The following USP9X variants were observed in gnomAD, a reference collection of about 807,000 sequenced individuals.
USP9X encodes ubiquitin carboxyl-terminal hydrolase 9X.
A neutral mutation model predicts 190.3 loss-of-function variants in USP9X; 7 were observed. The ratio of observed to expected loss-of-function variants is 0.04; its 90% CI spans 0.02 to 0.07. The LOEUF is 0.07. USP9X is among the 10% of genes least tolerant of loss of function. USP9X has a pLI of 1.00. For missense variants in USP9X, 1,010 were observed against 1,916.9 expected, an observed-to-expected ratio of 0.53 and a Z score of 8.83; for synonymous variants, 645 against 659.5, an observed-to-expected ratio of 0.98 and a Z score of 0.34.
intron 21 of USP9X, among the ~76,000 whole-genome samples, chrX:41,173,581 AT>A (rs1178370683): frequency 8.9e-6 from 1 of 111,858 alleles, no homozygotes; most frequent in Non-Finnish European, 1.9e-5. Context: ...TATAAGCAAA[AT>A]TAAGCCATCT....
intron 1 of USP9X, among the ~76,000 whole-genome samples, chrX:41,089,918 T>A (rs1239778819): frequency 1.2e-5 from 1 of 81,462 alleles, no homozygotes; most frequent in African/African-American, 4.6e-5. Flanking sequence ...TTTTTTTTTT[T>A]TTTTTTTTTT....
At chrX:41,155,641 CA>C (rs2062571309) in intron 14 of USP9X, among the ~76,000 whole-genome samples, 2 of 111,635 alleles carry the variant, frequency 1.8e-5, no homozygotes, top group African/African-American at 6.5e-5. Context: ...TTATGAGTGT[CA>C]TTCACCAACA....
chrX:41,095,459 G>C (rs1208249544), intron 1 of USP9X, among the ~76,000 whole-genome samples: 2 of 112,360 alleles, frequency 1.8e-5, no homozygotes, highest in African/African-American at 6.5e-5. Context: ...AGATGCCAGT[G>C]GTATAGCCCC....
intron 38 of USP9X, among the ~76,000 whole-genome samples, chrX:41,221,030 G>A (rs1203104879): frequency 9.1e-6 from 1 of 109,435 alleles, no homozygotes; most frequent in Non-Finnish European, 1.9e-5. Flanking sequence ...TTGGGAGGCC[G>A]AGGCAGGCAG....
chrX:41,100,568 C>T (rs182473607), intron 1 of USP9X, among the ~76,000 whole-genome samples: 2 of 111,956 alleles, frequency 1.8e-5, no homozygotes, highest in East Asian at 2.8e-4. Flanking sequence ...TTTCCAACGG[C>T]ACACAAGTAT....
At chrX:41,115,352 A>G (rs2062141018) in intron 1 of USP9X, among the ~76,000 whole-genome samples, 1 of 111,956 alleles carries the variant, frequency 8.9e-6, no homozygotes, top group Non-Finnish European at 1.9e-5. Context: ...ATTTTAATGG[A>G]AAAACAAGGG....
intron 14 of USP9X, among the ~76,000 whole-genome samples, chrX:41,159,514 A>G (rs1157196346): frequency 9.1e-6 from 1 of 109,779 alleles, no homozygotes; most frequent in Admixed American, 9.7e-5. Context: ...AATACCACAT[A>G]TTGCATGATT....
intron 1 of USP9X, among the ~76,000 whole-genome samples, chrX:41,120,008 AT>A (rs111414070): frequency 0.16 from 16,813 of 107,945 alleles, 1,163 homozygotes; most frequent in East Asian, 0.41. Context: ...AGACTTTTTC[AT>A]TTTTTTTTTC....
At chrX:41,156,171 A>G (rs980947177) in intron 14 of USP9X, among the ~76,000 whole-genome samples, 2 of 112,245 alleles carry the variant, frequency 1.8e-5, no homozygotes, top group African/African-American at 3.2e-5. Flanking sequence ...AAGAGGGAGT[A>G]TAGCAAATGG....
chrX:41,128,566 G>C (rs1327212372), intron 2 of USP9X, among the ~76,000 whole-genome samples: 1 of 111,918 alleles, frequency 8.9e-6, no homozygotes, highest in East Asian at 2.8e-4. Context: ...TTGTCCCTTA[G>C]TATTCATGGA....
intron 14 of USP9X, among the ~76,000 whole-genome samples, chrX:41,154,061 G>C (rs1321386273): frequency 9.0e-6 from 1 of 111,710 alleles, no homozygotes; most frequent in East Asian, 2.8e-4. Context: ...ATGAAATTCA[G>C]ATAAACATAA....
At chrX:41,130,491 T>TTAA (rs2062300932) in intron 3 of USP9X, among the ~76,000 whole-genome samples, 1 of 78,291 alleles carries the variant, frequency 1.3e-5, no homozygotes, top group African/African-American at 4.8e-5. Context: ...TTTTGTTTTT[T>TTAA]GTTTTTTGTT....
rs769101003 is a variant in USP9X at position 41,193,428 on chromosome X, C to G, written c.3978-2823C>G. Among the ~76,000 whole-genome samples the G allele has an allele frequency of 1.5e-4, 17 of 111,316 alleles. No individual in the cohort carries two copies. In the South Asian group the frequency reaches 6.1e-3, roughly 40 times the overall value. On this transcript the variant is annotated intron_variant, in intron 26 of 44. Transcript: ENST00000378308. ...TTGTAATCCCAGCACTTTGGGAGGC[C>G]AAGACAGGAGGATCACTTGAGGCCA...
intron 16 of USP9X, chrX:41,167,131 G>A (rs1046374538): frequency 5.7e-6 from 1 of 176,457 alleles, no homozygotes; most frequent in African/African-American, 3.2e-5. Flanking sequence ...ATGCTAAACT[G>A]TGTTTCATGT....
chrX:41,175,895 A>AT (rs142613528), intron 21 of USP9X, among the ~76,000 whole-genome samples: 1,101 of 101,775 alleles, frequency 0.011, 8 homozygotes, highest in Non-Finnish European at 0.016. Flanking sequence ...TATATTTGTA[A>AT]TTTTTTTTTT....
At chrX:41,143,664 CAG>C (rs1297956181) in intron 10 of USP9X, among the ~76,000 whole-genome samples, 1 of 111,629 alleles carries the variant, frequency 9.0e-6, no homozygotes, top group Non-Finnish European at 1.9e-5. Context: ...GAGAATTTGT[CAG>C]TGGTTTTAAA....
intron 14 of USP9X, among the ~76,000 whole-genome samples, chrX:41,156,364 T>C (rs2062578835): frequency 1.8e-5 from 2 of 111,918 alleles, no homozygotes; most frequent in African/African-American, 6.5e-5. Context: ...GGCTGTAGTT[T>C]GACCACATGA....
Position 41,230,544 on chromosome X carries a change from C to T in USP9X, c.7475C>T (p.Pro2492Leu). Residue 2492 changes from proline (P) to leucine (L), a missense_variant, in exon 44 of 45, where the codon CCA becomes CTA. Pro to Leu is a moderately conservative substitution (Grantham distance 98). Transcript: ENST00000378308. ...QDAPDEHESP[P>L]PEDAPLYPHS... ...GCTCCAGATGAACATGAGTCGCCTC[C>T]ACCTGAAGATGCCCCATTGTACCCC... 1.7e-6 allele frequency: 2 copies of T among 1,211,235 alleles called. No individual in the cohort carries two copies. The highest frequency in any genetic ancestry group is 3.0e-5 in the East Asian group (1 of 33,824).
At position 41,085,621 on chromosome X, in the gene USP9X, C is replaced by T; in HGVS notation, c.-647C>T. The T allele has an allele frequency of 3.5e-6, 1 of 288,385 alleles. No individual in the cohort carries two copies. Among genetic ancestry groups the T allele is most frequent in the Non-Finnish European group, 6.1e-6 (1 of 164,255 alleles). 23.8% of individuals were successfully genotyped at this position (288,385 alleles called of 1,213,427 possible). On this transcript the variant is annotated 5_prime_UTR_variant, in exon 1 of 45. Transcript: ENST00000378308. ...TCGCGGGAGCCCGCCGCCGCCGCCT[C>T]TCTCTCACGGGAGGCGGCCGCCTTA...
Sources: allele counts gnomAD v4.1 joint callset (sites outside exome capture counted in the v4.1 genomes callset), GRCh38; gene constraint gnomAD v4.1.1; transcripts MANE v1.5; gene names NCBI Gene and HGNC (gene_info 2026-07-23, HGNC 2026-07-21).